Variants in PARP4 observed in about 807,000 individuals in gnomAD.
PARP4 encodes protein mono-ADP-ribosyltransferase PARP4.
PARP4 carries 120 observed loss-of-function variants against 187.7 expected under a neutral mutation model. The ratio of observed to expected loss-of-function variants is 0.64; its 90% CI spans 0.55 to 0.74. The LOEUF is 0.74. Ranked by LOEUF, PARP4 falls within the 30% of genes least tolerant of loss-of-function variation. The pLI, the probability that PARP4 is intolerant of heterozygous loss-of-function variation, is 0.00. For missense variants in PARP4, 1,836 were observed against 2,070.5 expected (o/e 0.89, Z 2.20); for synonymous variants, 654 against 740.9 (o/e 0.88, Z 1.90).
chr13:24,478,404 A>G (rs2137512252), intron 12 of PARP4, 128 bp from the exon 13 acceptor site: 1 of 525,264 alleles, frequency 1.9e-6, no homozygotes, highest in African/African-American at 2.0e-5. Flanking sequence ...CAAAGACTCA[A>G]TTTAGAACTT....
chr13:24,487,095 A>C (rs1422316586), intron 10 of PARP4, among the ~76,000 whole-genome samples: 3 of 132,848 alleles, frequency 2.3e-5, no homozygotes, highest in East Asian at 2.4e-4. Flanking sequence ...CCTCGTCCCT[A>C]CTAAAAATAC....
At chr13:24,500,806 A>G (rs749422869) in intron 3 of PARP4, among the ~76,000 whole-genome samples, 4 of 152,212 alleles carry the variant, frequency 2.6e-5, no homozygotes, top group Non-Finnish European at 5.9e-5. Context: ...CTGTACAGAG[A>G]AACAGTAACA....
chr13:24,429,995 G>C (rs1870252780), intron 32 of PARP4, among the ~76,000 whole-genome samples: 1 of 152,214 alleles, frequency 6.6e-6, no homozygotes, highest in Non-Finnish European at 1.5e-5. Context: ...AGCCCACCTA[G>C]TTGGCTTTCT....
intron 12 of PARP4, among the ~76,000 whole-genome samples, chr13:24,481,135 C>G (rs1458372410): frequency 6.6e-6 from 1 of 152,324 alleles, no homozygotes; most frequent in East Asian, 1.9e-4. Context: ...TTTCTGTGCT[C>G]TACAAATGGA....
rs920168484 is a variant in PARP4, at chr13:24,455,383, G to C, written c.2563-171C>G. Among the ~76,000 whole-genome samples the C allele has an allele frequency of 5.9e-5, 9 of 151,612 alleles. No individual in the cohort carries two copies. In the South Asian group the frequency reaches 1.7e-3, roughly 28 times the overall value. On this transcript the variant is annotated intron_variant, in intron 21 of 33. Coordinates refer to ENST00000381989, the MANE Select transcript of PARP4 (RefSeq NM_006437.4). ...CTACTAGGAGTTCCAGTCAAAAGTA[G>C]AATGTTAGAACTGGGAGTTTCCAAC... is the stretch of plus-strand genomic sequence containing the variant.
chr13:24,484,349 T>A (rs1375435810), intron 12 of PARP4, among the ~76,000 whole-genome samples: 1 of 152,128 alleles, frequency 6.6e-6, no homozygotes, highest in Non-Finnish European at 1.5e-5. Flanking sequence ...TTTTTTAATT[T>A]TTTTGTAGAG....
In PARP4 at chr13:24,445,446, C is replaced by G. The variant is rs563641301; in HGVS notation, c.3366+1235G>C. Among the ~76,000 whole-genome samples, 6 of 152,006 alleles carry G rather than the reference C, an allele frequency of 3.9e-5. No homozygotes were observed. In the East Asian group the frequency reaches 7.8e-4, roughly 20 times the overall value. On this transcript the variant is annotated intron_variant, in intron 27 of 33. Coordinates refer to ENST00000381989, the MANE Select transcript of PARP4 (RefSeq NM_006437.4). Reference sequence around the variant, plus strand: ...CCTCCAGAGAGGGGAGAGTTAATCACCAATGGCCAATGATTTAATCAACCA... The same window carrying G: ...CCTCCAGAGAGGGGAGAGTTAATCAGCAATGGCCAATGATTTAATCAACCA...
intron 16 of PARP4, 33 bp from the exon 17 acceptor site, chr13:24,469,143 A>G (rs770316942): frequency 3.7e-5 from 51 of 1,386,468 alleles, no homozygotes; most frequent in Non-Finnish European, 4.7e-5. Context: ...CATTCCTTAC[A>G]TGAAGAGTGA....
At chr13:24,431,130 T>A (rs1027226662) in intron 32 of PARP4, among the ~76,000 whole-genome samples, 7 of 152,188 alleles carry the variant, frequency 4.6e-5, no homozygotes, top group African/African-American at 1.7e-4. Context: ...CTTCTGAGAT[T>A]TTTTTTACAG....
intron 9 of PARP4, 122 bp downstream of exon 9, chr13:24,492,299 T>A: frequency 3.1e-6 from 2 of 643,790 alleles, no homozygotes; most frequent in Non-Finnish European, 2.5e-6. Flanking sequence ...CAACAATTTA[T>A]TTTCTAGTAC....
intron 15 of PARP4, among the ~76,000 whole-genome samples, chr13:24,470,984 C>T (rs1158371785): frequency 2.0e-5 from 3 of 152,232 alleles, no homozygotes; most frequent in African/African-American, 4.8e-5. Flanking sequence ...CCTGGAATCC[C>T]GGTCTGGCCA....
intron 8 of PARP4, among the ~76,000 whole-genome samples, chr13:24,493,366 G>T (rs532557002): frequency 2.3e-4 from 35 of 152,182 alleles, no homozygotes; most frequent in Non-Finnish European, 3.5e-4. Context: ...GCCTGCCTTC[G>T]ATCAGCTCTT....
chr13:24,440,184 A>T (rs1364879915), intron 30 of PARP4, among the ~76,000 whole-genome samples: 2 of 151,988 alleles, frequency 1.3e-5, no homozygotes, highest in Non-Finnish European at 2.9e-5. Flanking sequence ...GAGGCGGGTG[A>T]ATCAGGAGTT....
chr13:24,485,306 G>T (rs1377959268), intron 11 of PARP4, among the ~76,000 whole-genome samples: 1 of 151,900 alleles, frequency 6.6e-6, no homozygotes, highest in Non-Finnish European at 1.5e-5. Flanking sequence ...TTCTTTTCCA[G>T]AATTATTCTG....
At chr13:24,465,088 A>AC (rs1200602334) in intron 17 of PARP4, among the ~76,000 whole-genome samples, 1 of 152,250 alleles carries the variant, frequency 6.6e-6, no homozygotes, top group Non-Finnish European at 1.5e-5. Context: ...CCACGATGAG[A>AC]CACCATCTCA....
At chr13:24,425,605 C>CTATATCTATCTATATATATA (rs139404140) in intron 33 of PARP4, among the ~76,000 whole-genome samples, 1 of 146,916 alleles carries the variant, frequency 6.8e-6, no homozygotes, top group African/African-American at 2.6e-5. Flanking sequence ...ATATCTATAT[C>CTATATCTATCTATATATATA]TATATATCTC....
Position 24,455,115 on chromosome 13 carries a change from A to T in PARP4, c.2660T>A (p.Met887Lys). Residue 887 changes from methionine (M) to lysine (K), a missense_variant, in exon 22 of 34, where the codon ATG becomes AAG. Physicochemically the swap from Met to Lys is moderately conservative, Grantham distance 95. Coordinates refer to ENST00000381989, the MANE Select transcript of PARP4 (RefSeq NM_006437.4). Reference sequence around the variant, plus strand: ...GGCTTGCAAGAATGTCACACCCTCCATGGAACTGGAGCAGTCAAGACAAAT... The same window carrying T: ...GGCTTGCAAGAATGTCACACCCTCCTTGGAACTGGAGCAGTCAAGACAAAT... Reference protein sequence around the residue: ...VIICLDCSSSMEGVTFLQAKQ... With the variant: ...VIICLDCSSSKEGVTFLQAKQ... 1 of 1,613,450 alleles carries T rather than the reference A, an allele frequency of 6.2e-7. No homozygotes were observed. Among genetic ancestry groups the T allele is most frequent in the Non-Finnish European group, 8.5e-7 (1 of 1,179,460 alleles).
chr13:24,464,647 C>T (rs1053585634), intron 17 of PARP4, among the ~76,000 whole-genome samples: 1 of 152,028 alleles, frequency 6.6e-6, no homozygotes, highest in Non-Finnish European at 1.5e-5. Flanking sequence ...AAAAATAACT[C>T]GATACGGACT....
intron 1 of PARP4, 65 bp from the exon 2 acceptor site, chr13:24,503,842 T>C: frequency 7.1e-7 from 1 of 1,416,110 alleles, no homozygotes; most frequent in Non-Finnish European, 9.9e-7. Flanking sequence ...TTAGAATTAT[T>C]ATACAAGCAA....
Sources: gnomAD v4.1 joint callset for allele counts (sites outside exome capture counted in the v4.1 genomes callset) on GRCh38, gnomAD v4.1.1 for gene constraint, MANE v1.5 for transcripts, NCBI Gene and HGNC (gene_info 2026-07-23, HGNC 2026-07-21) for gene names.